Variants in CSMD1 observed in about 807,000 individuals in gnomAD.
The protein encoded by CSMD1 is CUB and Sushi multiple domains 1.
Under a neutral mutation model 417.5 loss-of-function variants are expected in CSMD1, and 213 were observed. The observed-to-expected ratio is 0.51, with a 90% confidence interval of 0.46 to 0.57. The LOEUF (loss-of-function observed/expected upper bound fraction) is 0.57, where lower values mean the gene tolerates loss of function less well. CSMD1 is among the 20% of genes least tolerant of loss of function. The probability of loss-of-function intolerance (pLI) is 0.00; values close to 1 mark genes in which losing one functional copy is unlikely to be tolerated. For synonymous variants in CSMD1, 2,862 were observed against 1,736.8 expected, an observed-to-expected ratio of 1.65 and a Z score of -16.11; for missense variants, 6,923 against 4,529.7, an observed-to-expected ratio of 1.53 and a Z score of -15.17.
At chr8:3,659,891 A>G (rs1486332257) in intron 7 of CSMD1, among the ~76,000 whole-genome samples, 1 of 152,202 alleles carries the variant, frequency 6.6e-6, no homozygotes, top group South Asian at 2.1e-4. Flanking sequence ...AATCTAAACT[A>G]TGAAGATGAA....
At chr8:4,758,694 G>A (rs1676957) in intron 1 of CSMD1, among the ~76,000 whole-genome samples, 29,816 of 152,086 alleles carry the variant, frequency 0.2, 3,421 homozygotes, top group African/African-American at 0.32. Flanking sequence ...ATCTTACATG[G>A]CAGCAGGTAA....
chr8:4,077,279 C>CTATATATATATATATG (rs1799868661), intron 3 of CSMD1, among the ~76,000 whole-genome samples: 51 of 94,982 alleles, frequency 5.4e-4, no homozygotes, highest in Middle Eastern at 5.5e-3. Flanking sequence ...CATTTGTCAC[C>CTATATATATATATATG]TATATATATA....
chr8:4,702,020 A>G (rs1384508854), intron 1 of CSMD1, among the ~76,000 whole-genome samples: 2 of 152,188 alleles, frequency 1.3e-5, no homozygotes, highest in African/African-American at 2.4e-5. Flanking sequence ...AGAAAACCAA[A>G]CACCGCATCT....
At chr8:3,472,813 G>A (rs1244578256) in intron 11 of CSMD1, among the ~76,000 whole-genome samples, 1 of 151,806 alleles carries the variant, frequency 6.6e-6, no homozygotes, top group Non-Finnish European at 1.5e-5. Context: ...TGAAATACCT[G>A]CCTCTTAAAA....
chr8:4,396,556 A>T (rs183125673), intron 3 of CSMD1, among the ~76,000 whole-genome samples: 1 of 152,200 alleles, frequency 6.6e-6, no homozygotes, highest in Admixed American at 6.5e-5. Flanking sequence ...TAGCAGCAAA[A>T]TTCGCAACTG....
chr8:3,551,629 T>C (rs967694086), intron 10 of CSMD1, among the ~76,000 whole-genome samples: 7 of 149,494 alleles, frequency 4.7e-5, no homozygotes, highest in Non-Finnish European at 8.9e-5. Flanking sequence ...AGATACATTA[T>C]GTTCTTTCCG....
intron 1 of CSMD1, among the ~76,000 whole-genome samples, chr8:4,966,150 G>C (rs900504051): frequency 1.3e-5 from 2 of 149,044 alleles, no homozygotes; most frequent in African/African-American, 2.5e-5. Context: ...GATCACCTGA[G>C]GTAAGGAGTT....
At chr8:3,471,429 C>T (rs1369121114) in intron 11 of CSMD1, among the ~76,000 whole-genome samples, 1 of 152,102 alleles carries the variant, frequency 6.6e-6, no homozygotes, top group African/African-American at 2.4e-5. Flanking sequence ...AATTATATTC[C>T]ATAAGTATTA....
chr8:2,966,122 C>T, intron 58 of CSMD1, among the ~76,000 whole-genome samples, 168 bp from the exon 59 acceptor site: 1 of 152,058 alleles, frequency 6.6e-6, no homozygotes, highest in East Asian at 1.9e-4. Context: ...GACCCGCTGT[C>T]AGAAGGAACA....
At chr8:3,868,800 A>G (rs576168177) in intron 5 of CSMD1, among the ~76,000 whole-genome samples, 40 of 152,240 alleles carry the variant, frequency 2.6e-4, no homozygotes, top group African/African-American at 9.1e-4. Context: ...TATAAGTAGA[A>G]TCTGATCAGT....
At chr8:4,882,185 CGGT>C (rs1013502950) in intron 1 of CSMD1, among the ~76,000 whole-genome samples, 9 of 151,990 alleles carry the variant, frequency 5.9e-5, no homozygotes, top group African/African-American at 1.9e-4. Context: ...TGGCACTAGA[CGGT>C]GGTGTACACT....
chr8:4,675,456 A>G (rs951320412), intron 1 of CSMD1, among the ~76,000 whole-genome samples: 2 of 152,204 alleles, frequency 1.3e-5, no homozygotes, highest in African/African-American at 4.8e-5. Flanking sequence ...GATTGTAAGA[A>G]CATTAAATAA....
chr8:4,117,469 A>G (rs1420329375), intron 3 of CSMD1, among the ~76,000 whole-genome samples: 1 of 152,178 alleles, frequency 6.6e-6, no homozygotes, highest in African/African-American at 2.4e-5. Flanking sequence ...GATCGTCTTA[A>G]TAAATGATGC....
chr8:4,687,737 C>A (rs1806482422), intron 1 of CSMD1, among the ~76,000 whole-genome samples: 1 of 151,974 alleles, frequency 6.6e-6, no homozygotes, highest in Non-Finnish European at 1.5e-5. Flanking sequence ...ACACTAGGTT[C>A]TTCTTCTATT....
chr8:4,933,558 T>C (rs1807398558), intron 1 of CSMD1, among the ~76,000 whole-genome samples: 1 of 152,160 alleles, frequency 6.6e-6, no homozygotes, highest in Non-Finnish European at 1.5e-5. Flanking sequence ...AAGTAGCACT[T>C]TGATACATAC....
chr8:4,323,468 C>A (rs1342084125), intron 3 of CSMD1, among the ~76,000 whole-genome samples: 2 of 139,964 alleles, frequency 1.4e-5, no homozygotes, highest in African/African-American at 5.6e-5. Flanking sequence ...ACAAACCATA[C>A]ATAATGGGAC....
At chr8:4,721,082 G>T (rs965031033) in intron 1 of CSMD1, among the ~76,000 whole-genome samples, 3 of 152,112 alleles carry the variant, frequency 2.0e-5, no homozygotes, top group African/African-American at 7.2e-5. Context: ...GTAACATGAG[G>T]GTTAAGGAGG....
intron 5 of CSMD1, among the ~76,000 whole-genome samples, chr8:3,755,726 A>G (rs1797619185): frequency 6.6e-6 from 1 of 152,152 alleles, no homozygotes; most frequent in Non-Finnish European, 1.5e-5. Context: ...CAGGTTTAAA[A>G]ATGTACAGGA....
At chr8:4,301,823 A>G (rs567345916) in intron 3 of CSMD1, among the ~76,000 whole-genome samples, 1 of 152,204 alleles carries the variant, frequency 6.6e-6, no homozygotes, top group Non-Finnish European at 1.5e-5. Flanking sequence ...GTCCCCATAA[A>G]CTTTTCAGAA....
Sources: gnomAD v4.1 joint callset for allele counts (sites outside exome capture counted in the v4.1 genomes callset) on GRCh38, gnomAD v4.1.1 for gene constraint, MANE v1.5 for transcripts, NCBI Gene and HGNC (gene_info 2026-07-23, HGNC 2026-07-21) for gene names.